The following XKR4 variants were observed in gnomAD, a reference collection of about 807,000 sequenced individuals.
XKR4 encodes the protein XK related 4, also known as XK-related protein 4.
A neutral mutation model predicts 53.9 loss-of-function variants in XKR4; 12 were observed. That is an observed-to-expected ratio of 0.22 (90% CI 0.14 to 0.36). The LOEUF (loss-of-function observed/expected upper bound fraction) is 0.36, where lower values mean the gene tolerates loss of function less well. Among genes scored for constraint, XKR4 ranks in the 10% least tolerant of loss-of-function variants. XKR4 has a pLI of 1.00. For missense variants in XKR4, 799 were observed against 859.5 expected, an observed-to-expected ratio of 0.93 and a Z score of 0.88; for synonymous variants, 354 against 362.4, an observed-to-expected ratio of 0.98 and a Z score of 0.26.
intron 2 of XKR4, among the ~76,000 whole-genome samples, chr8:55,443,348 C>A (rs1415191305): frequency 4.0e-5 from 6 of 150,498 alleles, no homozygotes; most frequent in Non-Finnish European, 8.9e-5. Context: ...AGGCACATCT[C>A]AATAGATGCA....
At chr8:55,478,695 A>T (rs1388386195) in intron 2 of XKR4, among the ~76,000 whole-genome samples, 2 of 152,164 alleles carry the variant, frequency 1.3e-5, no homozygotes, top group African/African-American at 4.8e-5. Context: ...AAATAAAAGG[A>T]TGGAGGAAGA....
At chr8:55,242,950 T>C (rs1482183256) in intron 1 of XKR4, among the ~76,000 whole-genome samples, 3 of 152,210 alleles carry the variant, frequency 2.0e-5, no homozygotes, top group African/African-American at 7.2e-5. Context: ...AAAGTCATGT[T>C]TAATAAAACT....
chr8:55,456,060 G>T (rs918487013), intron 2 of XKR4, among the ~76,000 whole-genome samples: 3 of 152,094 alleles, frequency 2.0e-5, no homozygotes, highest in African/African-American at 7.2e-5. Flanking sequence ...CCATTTTGGG[G>T]CAAAACAATT....
intron 1 of XKR4, among the ~76,000 whole-genome samples, chr8:55,307,242 C>G (rs1201543274): frequency 6.6e-6 from 1 of 152,020 alleles, no homozygotes; most frequent in East Asian, 1.9e-4. Flanking sequence ...GACCAGATAC[C>G]CAACAAAGGA....
intron 2 of XKR4, among the ~76,000 whole-genome samples, chr8:55,389,210 C>T (rs1014362221): frequency 2.0e-5 from 3 of 152,108 alleles, no homozygotes; most frequent in African/African-American, 7.2e-5. Flanking sequence ...CCTGCAGGCA[C>T]CTTGGTACTG....
chr8:55,407,953 G>T (rs1442837185), intron 2 of XKR4, among the ~76,000 whole-genome samples: 2 of 152,172 alleles, frequency 1.3e-5, no homozygotes, highest in African/African-American at 4.8e-5. Flanking sequence ...ATTTCATGAG[G>T]TATTTATTGC....
intron 1 of XKR4, among the ~76,000 whole-genome samples, chr8:55,105,234 A>T (rs1267650588): frequency 6.6e-6 from 1 of 151,964 alleles, no homozygotes; most frequent in Non-Finnish European, 1.5e-5. Context: ...TTAATTTTCT[A>T]GGGGAATAAT....
chr8:55,125,108 G>A (rs111664867), intron 1 of XKR4, among the ~76,000 whole-genome samples: 5 of 152,326 alleles, frequency 3.3e-5, no homozygotes, highest in African/African-American at 1.2e-4. Flanking sequence ...GATGGTAGAA[G>A]TAAGTATAAC....
chr8:55,527,503 A>C lies in XKR4; in HGVS notation c.*3276A>C, dbSNP rs866564699. 6.6e-6 allele frequency: 1 copy of C among 152,194 alleles called. No individual in the cohort carries two copies. Among genetic ancestry groups the C allele is most frequent in the South Asian group, 2.1e-4 (1 of 4,830 alleles). 9.4% of individuals were successfully genotyped at this position (152,194 alleles called of 1,614,324 possible). A position where few individuals can be genotyped will look rare whatever the true frequency, so the allele number is the denominator to read the frequency against. Reference sequence around the variant, plus strand: ...GAAACCATGTTTAATGAATATATATAATGTGTGTGTGTGTATCTTAACCAT... The same window carrying C: ...GAAACCATGTTTAATGAATATATATCATGTGTGTGTGTGTATCTTAACCAT... On this transcript the variant is annotated 3_prime_UTR_variant, in exon 3 of 3. Transcript: ENST00000327381.
At chr8:55,429,283 G>C (rs964749468) in intron 2 of XKR4, among the ~76,000 whole-genome samples, 1 of 152,030 alleles carries the variant, frequency 6.6e-6, no homozygotes, top group South Asian at 2.1e-4. Flanking sequence ...ATTCAAAATG[G>C]ATAACAGACT....
chr8:55,393,482 A>G (rs1001831476), intron 2 of XKR4, among the ~76,000 whole-genome samples: 1 of 152,082 alleles, frequency 6.6e-6, no homozygotes, highest in Non-Finnish European at 1.5e-5. Context: ...AAGTGAAACA[A>G]TTGTGGCAAA....
At chr8:55,399,836 T>C (rs1804573578) in intron 2 of XKR4, among the ~76,000 whole-genome samples, 1 of 151,772 alleles carries the variant, frequency 6.6e-6, no homozygotes, top group Non-Finnish European at 1.5e-5. Flanking sequence ...GGCACGGGAG[T>C]CCATCGTGGA....
Position 55,536,554 on chromosome 8 carries a change from A to G in XKR4, c.*12327A>G, listed in dbSNP as rs1036171655. The G allele has an allele frequency of 6.6e-6, 1 of 151,530 alleles. No individual in the cohort carries two copies. The highest frequency in any genetic ancestry group is 1.5e-5 in the Non-Finnish European group (1 of 67,884). The allele number at this position is 151,530 out of a possible 1,614,324, so 9.4% of individuals were successfully genotyped here. A position where few individuals can be genotyped will look rare whatever the true frequency, so the allele number is the denominator to read the frequency against. Reference sequence around the variant, plus strand: ...GGAAAAGTCGAGATGTTTGAATCATACAGTTTTCCGTCTGGGTGTCTGGTG... The same window carrying G: ...GGAAAAGTCGAGATGTTTGAATCATGCAGTTTTCCGTCTGGGTGTCTGGTG... On this transcript the variant is annotated 3_prime_UTR_variant, in exon 3 of 3. Transcript: ENST00000327381.
In XKR4 at chr8:55,465,256, C is replaced by A. The variant is rs1010238842; in HGVS notation, c.1007-58025C>A. On this transcript the variant is annotated intron_variant, in intron 2 of 2. Transcript: ENST00000327381. ...AAACTATACTACAAGGCTACAGTAA[C>A]CAAAACAGCATGGTACTGGTACCAA... Among the ~76,000 whole-genome samples the A allele has an allele frequency of 1.1e-4, 16 of 152,088 alleles. 1 individual carries two copies. The highest frequency in any genetic ancestry group is 4.1e-4 in the South Asian group (2 of 4,828).
chr8:55,374,139 T>G (rs563857469), intron 2 of XKR4, among the ~76,000 whole-genome samples: 1 of 152,390 alleles, frequency 6.6e-6, no homozygotes, highest in Non-Finnish European at 1.5e-5. Context: ...CAGGCTGCAG[T>G]GTCTTCATCA....
chr8:55,248,971 G>A (rs1007653621), intron 1 of XKR4, among the ~76,000 whole-genome samples: 1 of 152,056 alleles, frequency 6.6e-6, no homozygotes, highest in African/African-American at 2.4e-5. Flanking sequence ...TCTATCCTTC[G>A]CAGATTCCTT....
intron 2 of XKR4, among the ~76,000 whole-genome samples, chr8:55,470,823 G>A (rs140568293): frequency 1.3e-5 from 2 of 152,120 alleles, no homozygotes; most frequent in African/African-American, 4.8e-5. Context: ...TGACAGACAA[G>A]GAAACTGAGG....
At chr8:55,344,141 T>C (rs1438589972) in intron 1 of XKR4, among the ~76,000 whole-genome samples, 1 of 152,116 alleles carries the variant, frequency 6.6e-6, no homozygotes, top group Non-Finnish European at 1.5e-5. Context: ...CCCCACTCTC[T>C]CTCTCCCCTC....
At chr8:55,338,693 G>T (rs116322980) in intron 1 of XKR4, among the ~76,000 whole-genome samples, 243 of 152,310 alleles carry the variant, frequency 1.6e-3, no homozygotes, top group African/African-American at 5.6e-3. Context: ...AGCTGAACTG[G>T]GAGGCTGGCC....
Sources: gnomAD v4.1 joint callset for allele counts (sites outside exome capture counted in the v4.1 genomes callset) on GRCh38, gnomAD v4.1.1 for gene constraint, MANE v1.5 for transcripts, NCBI Gene and HGNC (gene_info 2026-07-23, HGNC 2026-07-21) for gene names.